KALRN: variants seen among roughly 807,000 people sequenced by gnomAD.
The protein encoded by KALRN is kalirin RhoGEF kinase.
KALRN carries 70 observed loss-of-function variants against 353.7 expected under a neutral mutation model. The ratio of observed to expected loss-of-function variants is 0.20; its 90% CI spans 0.16 to 0.24. KALRN has a LOEUF of 0.24. Among genes scored for constraint, KALRN ranks in the 10% least tolerant of loss-of-function variants. The probability of loss-of-function intolerance (pLI) is 1.00; values close to 1 mark genes in which losing one functional copy is unlikely to be tolerated. For synonymous variants in KALRN, 1,391 were observed against 1,434.8 expected (o/e 0.97, Z 0.69); for missense variants, 2,791 against 3,756.7 (o/e 0.74, Z 6.72).
At chr3:124,330,109 T>C (rs1581029921) in intron 8 of KALRN, 117 bp downstream of exon 8, 2 of 1,101,172 alleles carry the variant, frequency 1.8e-6, no homozygotes, top group African/African-American at 1.6e-5. Flanking sequence ...GAAGAGGCTG[T>C]TTTTCTTTTT....
chr3:124,367,514 G>A (rs2085025034), intron 10 of KALRN, among the ~76,000 whole-genome samples: 2 of 103,798 alleles, frequency 1.9e-5, no homozygotes, highest in Admixed American at 8.7e-5. Context: ...CGGGGGGGCT[G>A]ACCCCCCCAC....
At chr3:124,294,520 C>CTT (rs397990993) in intron 5 of KALRN, among the ~76,000 whole-genome samples, 939 of 73,834 alleles carry the variant, frequency 0.013, 119 homozygotes, top group African/African-American at 0.038. Flanking sequence ...AGATTCTCTT[C>CTT]TTTTTTTTTT....
chr3:124,227,883 G>A (rs1234626960), intron 1 of KALRN, 107 bp from the exon 2 acceptor site: 3 of 883,406 alleles, frequency 3.4e-6, no homozygotes, highest in Non-Finnish European at 3.9e-6. Flanking sequence ...CCTGGACAAG[G>A]CAGGACTTGC....
chr3:124,446,723 C>T, intron 20 of KALRN, 40 bp from the exon 21 acceptor site: 1 of 1,612,744 alleles, frequency 6.2e-7, no homozygotes. Context: ...CTACTGACAG[C>T]TGCCTTTTTG....
chr3:124,506,804 A>G (rs1390607825), intron 33 of KALRN, among the ~76,000 whole-genome samples: 1 of 152,242 alleles, frequency 6.6e-6, no homozygotes, highest in Non-Finnish European at 1.5e-5. Context: ...TCATTTACAC[A>G]TGGAAAACAG....
At chr3:124,345,048 G>A (rs2149535070) in intron 9 of KALRN, among the ~76,000 whole-genome samples, 1 of 152,072 alleles carries the variant, frequency 6.6e-6, no homozygotes, top group East Asian at 1.9e-4. Flanking sequence ...TAAAAAATGA[G>A]ATAAAACAAA....
chr3:124,643,998 A>G (rs2082405261), intron 37 of KALRN, among the ~76,000 whole-genome samples: 1 of 152,222 alleles, frequency 6.6e-6, no homozygotes, highest in Non-Finnish European at 1.5e-5. Flanking sequence ...GAGTAGCTAA[A>G]TGTACTTATT....
At chr3:124,575,767 C>G (rs965213076) in intron 34 of KALRN, among the ~76,000 whole-genome samples, 2 of 152,168 alleles carry the variant, frequency 1.3e-5, no homozygotes, top group African/African-American at 4.8e-5. Flanking sequence ...AATGTTTCCC[C>G]TGGGCCACAG....
chr3:124,349,035 T>C (rs1367328085), intron 10 of KALRN, among the ~76,000 whole-genome samples: 1 of 152,200 alleles, frequency 6.6e-6, no homozygotes, highest in Non-Finnish European at 1.5e-5. Flanking sequence ...CAGATATTTA[T>C]ACACCCATTT....
chr3:124,264,932 A>C (rs1322575327), intron 4 of KALRN, among the ~76,000 whole-genome samples: 1 of 152,344 alleles, frequency 6.6e-6, no homozygotes, highest in South Asian at 2.1e-4. Flanking sequence ...GGTTGTGTTA[A>C]CTGGGACAAC....
intron 38 of KALRN, among the ~76,000 whole-genome samples, chr3:124,651,832 C>A (rs1004737720): frequency 2.0e-5 from 3 of 151,808 alleles, no homozygotes; most frequent in African/African-American, 7.3e-5. Context: ...GAGATGGAGT[C>A]TTGCTTGGTT....
At chr3:124,105,822 C>T (rs1453596865) in intron 1 of KALRN, among the ~76,000 whole-genome samples, 2 of 152,074 alleles carry the variant, frequency 1.3e-5, no homozygotes, top group African/African-American at 4.8e-5. Context: ...ACATTAGGGT[C>T]AAGTGATGAT....
At chr3:124,446,139 C>G in intron 19 of KALRN, 22 bp from the exon 20 acceptor site, 2 of 1,549,224 alleles carry the variant, frequency 1.3e-6, no homozygotes, top group Admixed American at 1.7e-5. Flanking sequence ...TTGTGACCAT[C>G]ATGCATCTCC....
Position 124,185,236 on chromosome 3 carries a change from G to A in KALRN, c.74-42754G>A, listed in dbSNP as rs530311192. On this transcript the variant is annotated intron_variant, in intron 1 of 59. Coordinates refer to ENST00000682506, the MANE Select transcript of KALRN (RefSeq NM_001388419.1). Reference sequence around the variant, plus strand: ...TCGCCATGTTGGCCAGGCTGGTCTCGAACTCCTGAGCACAAACCATCTGCC... The same window carrying A: ...TCGCCATGTTGGCCAGGCTGGTCTCAAACTCCTGAGCACAAACCATCTGCC... 4.8e-4 allele frequency among the ~76,000 whole-genome samples: 73 copies of A among 152,108 alleles called. 1 individual carries two copies. Among genetic ancestry groups the A allele is most frequent in the Admixed American group, 4.5e-3 (68 of 15,274 alleles).
At chr3:124,198,097 A>G (rs985210238) in intron 1 of KALRN, among the ~76,000 whole-genome samples, 1 of 152,208 alleles carries the variant, frequency 6.6e-6, no homozygotes, top group African/African-American at 2.4e-5. Flanking sequence ...TTTTAGCTAG[A>G]TTTCTGATCG....
chr3:124,201,968 A>T (rs1346629462), intron 1 of KALRN, among the ~76,000 whole-genome samples: 1 of 152,196 alleles, frequency 6.6e-6, no homozygotes, highest in Non-Finnish European at 1.5e-5. Flanking sequence ...GAGCCCTGTG[A>T]TGGGGCCAGG....
chr3:124,657,526 C>T lies in KALRN; in HGVS notation c.5941C>T (p.His1981Tyr). ...GKDKIVFGNI[H>Y]QIYDWHKDFF... is the part of the protein sequence containing the mutation. ...GGACAAAATCGTGTTTGGAAATATT[C>T]ATCAGATTTATGACTGGCATAAGGA... Residue 1981 changes from histidine to tyrosine, a missense_variant, in exon 40 of 60, where the codon CAT becomes TAT. By Grantham distance (83) the His-to-Tyr change is moderately conservative. Coordinates refer to ENST00000682506, the MANE Select transcript of KALRN (RefSeq NM_001388419.1). 6.2e-7 allele frequency: 1 copy of T among 1,613,754 alleles called. No homozygotes were observed.
intron 33 of KALRN, among the ~76,000 whole-genome samples, chr3:124,536,030 A>G (rs1306442239): frequency 6.6e-6 from 1 of 152,152 alleles, no homozygotes; most frequent in African/African-American, 2.4e-5. Context: ...CCCATTGGCC[A>G]GAGTGTGATA....
At chr3:124,203,744 T>A (rs1404643487) in intron 1 of KALRN, among the ~76,000 whole-genome samples, 2 of 152,200 alleles carry the variant, frequency 1.3e-5, no homozygotes, top group African/African-American at 2.4e-5. Context: ...CAGTTGAGGA[T>A]TCTGAGACTC....
Sources: gnomAD v4.1 joint callset for allele counts (sites outside exome capture counted in the v4.1 genomes callset) on GRCh38, gnomAD v4.1.1 for gene constraint, MANE v1.5 for transcripts, NCBI Gene and HGNC (gene_info 2026-07-23, HGNC 2026-07-21) for gene names.